PPP1R9A: variants seen among roughly 807,000 people sequenced by gnomAD.
PPP1R9A encodes the protein protein phosphatase 1 regulatory subunit 9A.
Under a neutral mutation model 141.9 loss-of-function variants are expected in PPP1R9A, and 59 were observed. The observed-to-expected ratio is 0.42, with a 90% CI of 0.34 to 0.52. PPP1R9A has a LOEUF of 0.52. Among genes scored for constraint, PPP1R9A ranks in the 20% least tolerant of loss-of-function variants. PPP1R9A has a pLI of 0.10. For missense variants in PPP1R9A, 1,444 were observed against 1,611.9 expected (o/e 0.90, Z 1.78); for synonymous variants, 500 against 569.7 (o/e 0.88, Z 1.74).
chr7:95,279,274 C>T (rs549538049), intron 16 of PPP1R9A, among the ~76,000 whole-genome samples: 17 of 152,256 alleles, frequency 1.1e-4, no homozygotes, highest in African/African-American at 3.9e-4. Flanking sequence ...GTCCACTCTG[C>T]CCCTGTTGCT....
chr7:95,179,687 A>G (rs1399655386), intron 5 of PPP1R9A, among the ~76,000 whole-genome samples: 1 of 151,900 alleles, frequency 6.6e-6, no homozygotes, highest in Non-Finnish European at 1.5e-5. Flanking sequence ...TGGATACAAA[A>G]TTAATATACA....
chr7:94,911,906 T>C (rs904524989), intron 2 of PPP1R9A, among the ~76,000 whole-genome samples: 3 of 152,194 alleles, frequency 2.0e-5, no homozygotes, highest in Non-Finnish European at 4.4e-5. Flanking sequence ...AGGTATGAAG[T>C]ATAATGTACA....
intron 2 of PPP1R9A, among the ~76,000 whole-genome samples, chr7:94,962,902 A>C (rs1269011663): frequency 6.6e-6 from 1 of 152,138 alleles, no homozygotes; most frequent in East Asian, 1.9e-4. Flanking sequence ...GACTTGCCAC[A>C]GAATAACAGG....
At chr7:94,923,316 A>C (rs1793071224) in intron 2 of PPP1R9A, among the ~76,000 whole-genome samples, 1 of 152,210 alleles carries the variant, frequency 6.6e-6, no homozygotes, top group African/African-American at 2.4e-5. Flanking sequence ...TATTTTAATG[A>C]GTAGTCTTAC....
chr7:95,148,900 T>C (rs1208031529), intron 4 of PPP1R9A, among the ~76,000 whole-genome samples: 1 of 152,032 alleles, frequency 6.6e-6, no homozygotes, highest in Non-Finnish European at 1.5e-5. Context: ...ACAAAAATGT[T>C]ACAAGAAAAG....
At chr7:95,273,762 G>A (rs773759746) in intron 14 of PPP1R9A, 137 bp from the exon 15 acceptor site, 39 of 824,738 alleles carry the variant, frequency 4.7e-5, no homozygotes, top group East Asian at 1.3e-4. Flanking sequence ...CTCCTAGGTC[G>A]TATAAGAAGG....
At chr7:95,019,131 A>G (rs1278299411) in intron 2 of PPP1R9A, among the ~76,000 whole-genome samples, 2 of 152,220 alleles carry the variant, frequency 1.3e-5, no homozygotes, top group African/African-American at 4.8e-5. Flanking sequence ...GTGGTGGCTC[A>G]CGCCTGTAAT....
In PPP1R9A at chr7:94,912,102, A is replaced by C. The variant is rs142247119; in HGVS notation, c.1395+594A>C. ...GACTTAAATACTTTGAAAAGCTTTG[A>C]CTGTAAACAGTCTGAGTTCAAAATT... On this transcript the variant is annotated intron_variant, in intron 2 of 19. Coordinates refer to ENST00000433360, the MANE Select transcript of PPP1R9A (RefSeq NM_001166160.2). Among the ~76,000 whole-genome samples the C allele has an allele frequency of 3.0e-3, 459 of 152,314 alleles. 11 individuals carry two copies. The highest frequency in any genetic ancestry group is 0.03 in the East Asian group (153 of 5,186).
chr7:95,296,160 G>A lies in PPP1R9A; in HGVS notation c.*5857G>A, dbSNP rs1014625764. On this transcript the variant is annotated 3_prime_UTR_variant, in exon 20 of 20. Coordinates refer to ENST00000433360, the MANE Select transcript of PPP1R9A (RefSeq NM_001166160.2). ...TGCATGGAAGAGACAATAGTGCCAC[G>A]TCTGAATTGTTCTCTTGTGCTTGGT... 5.2e-5 allele frequency: 8 copies of A among 152,542 alleles called. No homozygotes were observed. The highest frequency in any genetic ancestry group is 1.0e-4 in the Non-Finnish European group (7 of 68,034). 9.4% of individuals were successfully genotyped at this position (152,542 alleles called of 1,614,324 possible). A position where few individuals can be genotyped will look rare whatever the true frequency, so the allele number is the denominator to read the frequency against.
At chr7:95,118,957 G>C (rs1373804532) in intron 3 of PPP1R9A, among the ~76,000 whole-genome samples, 1 of 147,972 alleles carries the variant, frequency 6.8e-6, no homozygotes, top group Non-Finnish European at 1.5e-5. Flanking sequence ...ACTCCAGCCT[G>C]ATCAACAGAG....
chr7:95,133,306 T>C (rs1824992278), intron 4 of PPP1R9A, among the ~76,000 whole-genome samples: 1 of 152,024 alleles, frequency 6.6e-6, no homozygotes, highest in Admixed American at 6.6e-5. Flanking sequence ...TGTCTTTGGC[T>C]TGTAGGTCGG....
At chr7:95,037,077 A>G (rs559824449) in intron 2 of PPP1R9A, 1 of 152,302 alleles carries the variant, frequency 6.6e-6, no homozygotes, top group African/African-American at 2.4e-5. Flanking sequence ...ATACTGAAGT[A>G]TTCGCATATT....
At chr7:94,987,462 A>G (rs568605132) in intron 2 of PPP1R9A, among the ~76,000 whole-genome samples, 2 of 152,276 alleles carry the variant, frequency 1.3e-5, no homozygotes, top group South Asian at 4.1e-4. Context: ...AAAAATCAAG[A>G]TGTATTCGTA....
chr7:95,198,006 A>G (rs1181274782), intron 5 of PPP1R9A, among the ~76,000 whole-genome samples: 1 of 152,178 alleles, frequency 6.6e-6, no homozygotes. Flanking sequence ...CTTTAGTTCA[A>G]TGGTACAGGA....
chr7:95,084,155 C>G (rs1242022749), intron 2 of PPP1R9A, among the ~76,000 whole-genome samples: 1 of 152,014 alleles, frequency 6.6e-6, no homozygotes, highest in Non-Finnish European at 1.5e-5. Context: ...TGTGTTACCA[C>G]TTACCAGTGA....
intron 2 of PPP1R9A, among the ~76,000 whole-genome samples, chr7:94,937,678 C>G (rs1489432702): frequency 6.6e-6 from 1 of 152,086 alleles, no homozygotes; most frequent in African/African-American, 2.4e-5. Context: ...AATTAGAAAT[C>G]AGGGGTGAGA....
chr7:95,104,531 G>A (rs1015862675), intron 2 of PPP1R9A, among the ~76,000 whole-genome samples: 16 of 152,092 alleles, frequency 1.1e-4, no homozygotes, highest in African/African-American at 3.9e-4. Context: ...GTAGACTAAA[G>A]CCCTCAGCTG....
rs1212282931 is a variant in PPP1R9A at position 95,203,672 on chromosome 7, T to G, written c.1898T>G (p.Val633Gly). The G allele has an allele frequency of 6.5e-7, 1 of 1,536,438 alleles. No homozygotes were observed. The highest frequency in any genetic ancestry group is 8.7e-7 in the Non-Finnish European group (1 of 1,146,380). Residue 633 changes from valine to glycine, a missense_variant, in exon 7 of 20, where the codon GTG (valine) becomes GGG (glycine). By Grantham distance (109) the Val-to-Gly change is moderately radical (BLOSUM62 -3). Transcript: ENST00000433360. ...QYDADDDENT[V>G]AELQGMSGNC... ...TTTTGTCAACCATTTTAGAACACTG[T>G]GGCTGAATTGCAAGGAATGTCTGGC...
At position 94,975,775 on chromosome 7, in the gene PPP1R9A, C is replaced by G. The variant is rs185278587; in HGVS notation, c.1395+64267C>G. Among the ~76,000 whole-genome samples, 5 of 152,212 alleles carry G rather than the reference C, an allele frequency of 3.3e-5. No individual in the cohort carries two copies. In the East Asian group the frequency reaches 9.7e-4, roughly 29 times the overall value. ...AATCAGTTTGAAAGAAATAGGTTAT[C>G]TTTGCTTAGCTGGATTGGGGTCTTC... On this transcript the variant is annotated intron_variant, in intron 2 of 19. Coordinates refer to ENST00000433360, the MANE Select transcript of PPP1R9A (RefSeq NM_001166160.2).
Sources: allele counts gnomAD v4.1 joint callset (sites outside exome capture counted in the v4.1 genomes callset), GRCh38; gene constraint gnomAD v4.1.1; transcripts MANE v1.5; gene names NCBI Gene and HGNC (gene_info 2026-07-23, HGNC 2026-07-21).